The following MAPT variants were observed in gnomAD, a reference collection of about 807,000 sequenced individuals.
The protein encoded by MAPT is microtubule-associated protein tau.
Under a neutral mutation model 67.9 loss-of-function variants are expected in MAPT, and 34 were observed. The ratio of observed to expected loss-of-function variants is 0.50; its 90% CI spans 0.38 to 0.67. The LOEUF (loss-of-function observed/expected upper bound fraction) is 0.67, where lower values mean the gene tolerates loss of function less well. MAPT is among the 30% of genes least tolerant of loss of function. MAPT has a pLI of 0.00. For missense variants in MAPT, 881 were observed against 1,115.2 expected, an observed-to-expected ratio of 0.79 and a Z score of 2.99; for synonymous variants, 456 against 464.5, an observed-to-expected ratio of 0.98 and a Z score of 0.23.
chr17:46,025,568 G>A lies in MAPT; in HGVS notation c.*1397G>A, dbSNP rs2076771815. On this transcript the variant is annotated 3_prime_UTR_variant, in exon 13 of 13. Coordinates refer to ENST00000262410, the MANE Select transcript of MAPT (RefSeq NM_001377265.1). ...CTGGGACCCTCACCACGAATCTCAT[G>A]ATCTGATTCGGTTCCCTGTCTCCTC... is the stretch of plus-strand genomic sequence containing the variant. The A allele has an allele frequency of 1.3e-5, 2 of 152,820 alleles. No individual in the cohort carries two copies. Among genetic ancestry groups the A allele is most frequent in the Middle Eastern group, 3.4e-3 (1 of 294 alleles). 9.5% of individuals were successfully genotyped at this position (152,820 alleles called of 1,614,324 possible).
chr17:46,000,465 T>G, intron 9 of MAPT, among the ~76,000 whole-genome samples: 1 of 151,696 alleles, frequency 6.6e-6, no homozygotes, highest in Non-Finnish European at 1.5e-5. Context: ...CTGGGTGGGG[T>G]GCCAGGCAGG....
At chr17:45,941,377 A>G (rs115119459) in intron 1 of MAPT, among the ~76,000 whole-genome samples, 2,598 of 152,126 alleles carry the variant, frequency 0.017, 96 homozygotes, top group African/African-American at 0.06. Context: ...AGCCTCTCAG[A>G]CACAGGTGGG....
intron 1 of MAPT, among the ~76,000 whole-genome samples, chr17:45,924,067 C>G (rs2066020789): frequency 6.6e-6 from 1 of 152,176 alleles, no homozygotes; most frequent in Admixed American, 6.5e-5. Flanking sequence ...ACAAGCCCTT[C>G]ATTTCACAAC....
intron 2 of MAPT, among the ~76,000 whole-genome samples, chr17:45,967,271 C>T (rs1215690591): frequency 6.6e-6 from 1 of 152,176 alleles, no homozygotes; most frequent in Non-Finnish European, 1.5e-5. Context: ...AATGGGGCTT[C>T]TTCCTCCTTC....
chr17:45,997,938 A>G (rs2074638053), intron 9 of MAPT, among the ~76,000 whole-genome samples: 1 of 152,100 alleles, frequency 6.6e-6, no homozygotes, highest in Non-Finnish European at 1.5e-5. Flanking sequence ...GGGGACCACA[A>G]TTCAGCCCAG....
intron 9 of MAPT, among the ~76,000 whole-genome samples, chr17:45,998,609 G>T (rs1324357164): frequency 2.0e-5 from 3 of 152,186 alleles, no homozygotes; most frequent in Non-Finnish European, 1.5e-5. Flanking sequence ...GCTCAGGCAT[G>T]TGGAGCTTGT....
At chr17:46,003,519 T>A (rs900138207) in intron 9 of MAPT, among the ~76,000 whole-genome samples, 1 of 152,118 alleles carries the variant, frequency 6.6e-6, no homozygotes, top group Non-Finnish European at 1.5e-5. Flanking sequence ...CCTCAGGTGA[T>A]CTGCCTACCT....
intron 9 of MAPT, among the ~76,000 whole-genome samples, chr17:46,003,491 C>A (rs554348970): frequency 1.3e-5 from 2 of 151,878 alleles, no homozygotes; most frequent in Admixed American, 6.5e-5. Context: ...GTTTGCCAAG[C>A]TGGTCTCAAA....
At chr17:46,017,725 C>G (rs1274958363) in intron 11 of MAPT, among the ~76,000 whole-genome samples, 8 of 148,086 alleles carry the variant, frequency 5.4e-5, no homozygotes, top group Non-Finnish European at 1.2e-4. Flanking sequence ...TCCCAAAGTG[C>G]TAGGATTACA....
At chr17:45,910,952 C>T (rs1391709007) in intron 1 of MAPT, among the ~76,000 whole-genome samples, 1 of 152,152 alleles carries the variant, frequency 6.6e-6, no homozygotes, top group African/African-American at 2.4e-5. Context: ...GGAGGAAAAC[C>T]ACCATCATGT....
At chr17:45,939,897 T>C (rs528740578) in intron 1 of MAPT, among the ~76,000 whole-genome samples, 6 of 152,348 alleles carry the variant, frequency 3.9e-5, no homozygotes, top group African/African-American at 1.2e-4. Context: ...GACATTCTTA[T>C]GTTCCTTCTG....
At chr17:45,920,526 G>T (rs1459132133) in intron 1 of MAPT, among the ~76,000 whole-genome samples, 2 of 152,180 alleles carry the variant, frequency 1.3e-5, no homozygotes, top group African/African-American at 4.8e-5. Context: ...GCCTCAAGGG[G>T]TCTCCTCTGC....
intron 1 of MAPT, among the ~76,000 whole-genome samples, chr17:45,909,764 G>A (rs901736234): frequency 1.3e-5 from 2 of 151,748 alleles, no homozygotes; most frequent in African/African-American, 4.8e-5. Context: ...CTGGCTACTA[G>A]GGAGGCTGAG....
At chr17:45,930,729 A>G in intron 1 of MAPT, among the ~76,000 whole-genome samples, 1 of 152,154 alleles carries the variant, frequency 6.6e-6, no homozygotes, top group East Asian at 1.9e-4. Flanking sequence ...CCTGCCTGTC[A>G]TCCCCTGAAA....
At chr17:45,959,232 G>A (rs999564270) in intron 1 of MAPT, among the ~76,000 whole-genome samples, 6 of 152,234 alleles carry the variant, frequency 3.9e-5, no homozygotes, top group East Asian at 1.9e-4. Context: ...CACTGCCAAC[G>A]TCCTGCACCA....
intron 4 of MAPT, chr17:45,979,511 G>A (rs968829343): frequency 6.6e-6 from 1 of 152,192 alleles, no homozygotes; most frequent in Admixed American, 6.5e-5. Flanking sequence ...TGCCCCCAGA[G>A]AGGTCACAGC....
In MAPT at chr17:46,027,306, A is replaced by AAAT. The variant is rs2076849169; in HGVS notation, c.*3136_*3138dup. On this transcript the variant is annotated 3_prime_UTR_variant, in exon 13 of 13. Coordinates refer to ENST00000262410, the MANE Select transcript of MAPT (RefSeq NM_001377265.1). Reference sequence around the variant, plus strand: ...TTTAGGGTGATCAGTGCTGGCAGATAAATTGAAAAGGCACGCTGGCTTGTG... The same window carrying AAAT: ...TTTAGGGTGATCAGTGCTGGCAGATAAATAATTGAAAAGGCACGCTGGCTTGTG... The AAAT allele has an allele frequency of 6.5e-6, 1 of 152,736 alleles. No homozygotes were observed. Among genetic ancestry groups the AAAT allele is most frequent in the South Asian group, 2.1e-4 (1 of 4,830 alleles). 9.5% of individuals were successfully genotyped at this position (152,736 alleles called of 1,614,324 possible).
intron 1 of MAPT, among the ~76,000 whole-genome samples, chr17:45,926,865 T>C (rs1160310245): frequency 1.3e-5 from 2 of 150,576 alleles, no homozygotes; most frequent in African/African-American, 5.0e-5. Context: ...AATTCTCAAA[T>C]AGCTCAGGAA....
At chr17:45,959,719 T>G (rs1289589450) in intron 1 of MAPT, among the ~76,000 whole-genome samples, 2 of 149,906 alleles carry the variant, frequency 1.3e-5, no homozygotes, top group Non-Finnish European at 1.5e-5. Context: ...AGGCGGAGGT[T>G]TCAGTGAGCC....
Sources: allele counts gnomAD v4.1 joint callset (sites outside exome capture counted in the v4.1 genomes callset), GRCh38; gene constraint gnomAD v4.1.1; transcripts MANE v1.5; gene names NCBI Gene and HGNC (gene_info 2026-07-23, HGNC 2026-07-21).